CEP89: variants seen among roughly 807,000 people sequenced by gnomAD.
The protein encoded by CEP89 is centrosomal protein 89.
CEP89 carries 95 observed loss-of-function variants against 97.6 expected under a neutral mutation model. The ratio of observed to expected loss-of-function variants is 0.97; its 90% CI spans 0.82 to 1.15. The LOEUF (loss-of-function observed/expected upper bound fraction) is 1.15, where lower values mean the gene tolerates loss of function less well. CEP89 is among the 50% of genes most tolerant of loss of function. CEP89 has a pLI of 0.00. For missense variants in CEP89, 869 were observed against 947.7 expected, an observed-to-expected ratio of 0.92 and a Z score of 1.09; for synonymous variants, 354 against 349.1, an observed-to-expected ratio of 1.01 and a Z score of -0.16.
intron 4 of CEP89, 101 bp from the exon 5 acceptor site, chr19:32,948,469 A>T: frequency 1.6e-6 from 1 of 636,876 alleles, no homozygotes; most frequent in Non-Finnish European, 2.7e-6. Context: ...AACCTTCCCC[A>T]CTGGGAGCTT....
chr19:32,933,569 G>C lies in CEP89; in HGVS notation c.768C>G (p.Ser256Arg). ...ENMDLNNMNQSLTLELNTMKQ... is the reference protein window; with the variant it reads ...ENMDLNNMNQRLTLELNTMKQ... ...TCATTGTGTTTAGTTCAAGGGTAAG[G>C]CTTTGATTCATATTGTTTAGGTCCA... is the stretch of plus-strand genomic sequence containing the variant. The change falls in exon 8 of 19, where the codon AGC becomes AGG. Residue 256 changes from serine to arginine, a missense_variant. Physicochemically the swap from Ser to Arg is moderately radical, Grantham distance 110. Transcript: ENST00000305768. 1.2e-6 allele frequency: 2 copies of C among 1,611,928 alleles called. No individual in the cohort carries two copies.
intron 16 of CEP89, among the ~76,000 whole-genome samples, 198 bp from the exon 17 acceptor site, chr19:32,888,039 TGGG>T (rs1381408172): frequency 6.6e-6 from 1 of 152,172 alleles, no homozygotes; most frequent in Non-Finnish European, 1.5e-5. Flanking sequence ...ACAGGGCATG[TGGG>T]GTGCCCTGCT....
At chr19:32,927,474 A>C (rs915148519) in intron 9 of CEP89, among the ~76,000 whole-genome samples, 1 of 152,132 alleles carries the variant, frequency 6.6e-6, no homozygotes, top group Non-Finnish European at 1.5e-5. Context: ...AGTAGCCTAT[A>C]ATACTATTTT....
At chr19:32,890,009 T>TCAAA (rs1452216183) in intron 16 of CEP89, among the ~76,000 whole-genome samples, 4 of 152,022 alleles carry the variant, frequency 2.6e-5, no homozygotes, top group African/African-American at 9.7e-5. Flanking sequence ...CCATGCTGTG[T>TCAAA]CAAAGTCAAA....
chr19:32,937,595 G>C (rs1304357965), intron 7 of CEP89, 36 bp downstream of exon 7: 4 of 1,456,522 alleles, frequency 2.7e-6, no homozygotes, highest in South Asian at 1.2e-5. Context: ...TCCAAAACAA[G>C]CTTTTCAATC....
intron 16 of CEP89, among the ~76,000 whole-genome samples, chr19:32,895,751 A>C (rs368214129): frequency 9.6e-4 from 28 of 29,112 alleles, no homozygotes; most frequent in African/African-American, 4.5e-3. Context: ...TAGATCTGAT[A>C]AAAAAAAAAA....
chr19:32,939,958 C>A (rs1970655082), intron 5 of CEP89, 73 bp from the exon 6 acceptor site: 1 of 729,322 alleles, frequency 1.4e-6, no homozygotes, highest in South Asian at 1.6e-5. Flanking sequence ...AAAGTACAAT[C>A]ATAGAAATTC....
At chr19:32,945,961 T>C (rs900051377) in intron 5 of CEP89, among the ~76,000 whole-genome samples, 7 of 152,152 alleles carry the variant, frequency 4.6e-5, no homozygotes, top group African/African-American at 1.4e-4. Flanking sequence ...GGTGTGGATC[T>C]TGGGTTCTGG....
chr19:32,956,049 CTTTTTTTTTTTT>C (rs202179963), intron 3 of CEP89, among the ~76,000 whole-genome samples: 4 of 105,760 alleles, frequency 3.8e-5, no homozygotes, highest in Non-Finnish European at 3.8e-5. Flanking sequence ...CAATTTGGTT[CTTTTTTTTTTTT>C]TTTTTTTTTT....
At chr19:32,897,928 G>A (rs567969875) in intron 16 of CEP89, among the ~76,000 whole-genome samples, 2 of 152,238 alleles carry the variant, frequency 1.3e-5, no homozygotes, top group African/African-American at 4.8e-5. Flanking sequence ...ATACACTGTT[G>A]GTGGGAATGT....
Position 32,884,068 on chromosome 19 carries a change from G to A in CEP89, c.1966-2055C>T, listed in dbSNP as rs112178771. Among the ~76,000 whole-genome samples, 923 of 152,058 alleles carry A rather than the reference G, an allele frequency of 6.1e-3. 8 individuals carry two copies. The highest frequency in any genetic ancestry group is 0.021 in the African/African-American group (865 of 41,480). ...CCTGATCATTCTGCACTACAGCCTC[G>A]AACTCTCAGACTCAACTCAAGTGAT... is the stretch of plus-strand genomic sequence containing the variant. On this transcript the variant is annotated intron_variant, in intron 17 of 18. Coordinates refer to ENST00000305768, the MANE Select transcript of CEP89 (RefSeq NM_032816.5).
At chr19:32,947,242 C>T (rs1398831299) in intron 5 of CEP89, among the ~76,000 whole-genome samples, 1 of 152,158 alleles carries the variant, frequency 6.6e-6, no homozygotes, top group Non-Finnish European at 1.5e-5. Flanking sequence ...TTATAACATG[C>T]TGAATTCTCT....
chr19:32,920,128 C>T (rs1362456790), intron 12 of CEP89, among the ~76,000 whole-genome samples: 1 of 152,184 alleles, frequency 6.6e-6, no homozygotes. Flanking sequence ...GCCTTGAATT[C>T]CTGGGCTTAA....
chr19:32,892,864 TCATGAAAACA>T lies in CEP89; in HGVS notation c.1876-5033_1876-5024del, dbSNP rs1202118563. Among the ~76,000 whole-genome samples the T allele has an allele frequency of 5.3e-5, 8 of 151,898 alleles. No individual in the cohort carries two copies. The East Asian group carries it at 1.5e-3, about 29-fold the overall frequency. On this transcript the variant is annotated intron_variant, in intron 16 of 18. Transcript: ENST00000305768. ...GGAATTGAAAGGACGATATCTACTA[TCATGAAAACA>T]CATGAAATGATAAAACTAACTAGTA... is the stretch of plus-strand genomic sequence containing the variant.
chr19:32,880,133 A>C (rs11670103), intron 18 of CEP89, among the ~76,000 whole-genome samples: 14,871 of 152,266 alleles, frequency 0.098, 920 homozygotes, highest in Middle Eastern at 0.17. Flanking sequence ...GCCACAGTCC[A>C]CTGGGAATAG....
chr19:32,966,452 A>G lies in CEP89; in HGVS notation c.54T>C (p.His18=). 1 of 1,547,684 alleles carries G rather than the reference A, an allele frequency of 6.5e-7. No individual in the cohort carries two copies. Residue 18 remains histidine, a synonymous_variant, in exon 2 of 19, where the codon CAT becomes CAC. Coordinates refer to ENST00000305768, the MANE Select transcript of CEP89 (RefSeq NM_032816.5). ...CAACGCTGGCTGCAGGTAAAAGGCCATGGATGATGTGTTTCTGCACAAATG... is the reference window on the plus strand; with the variant it reads ...CAACGCTGGCTGCAGGTAAAAGGCCGTGGATGATGTGTTTCTGCACAAATG... The part of the protein sequence containing the change: ...GRRSHFKHII[H]GLLPAASVAP...
At chr19:32,949,692 T>A (rs4805829) in intron 4 of CEP89, among the ~76,000 whole-genome samples, 1 of 151,886 alleles carries the variant, frequency 6.6e-6, no homozygotes, top group South Asian at 2.1e-4. Context: ...CCTGAACCAG[T>A]TGTTACATGG....
At chr19:32,887,026 AT>A (rs1471975811) in intron 17 of CEP89, among the ~76,000 whole-genome samples, 5 of 120,012 alleles carry the variant, frequency 4.2e-5, no homozygotes, top group Non-Finnish European at 7.2e-5. Flanking sequence ...AAAAAAAAAA[AT>A]ACAAAAAAAA....
intron 11 of CEP89, among the ~76,000 whole-genome samples, chr19:32,923,788 C>T (rs1034012981): frequency 1.3e-5 from 2 of 152,202 alleles, no homozygotes; most frequent in African/African-American, 4.8e-5. Context: ...CCTGGGCTTT[C>T]GAGTATTAGA....
Sources: allele counts gnomAD v4.1 joint callset (sites outside exome capture counted in the v4.1 genomes callset), GRCh38; gene constraint gnomAD v4.1.1; transcripts MANE v1.5; gene names NCBI Gene and HGNC (gene_info 2026-07-23, HGNC 2026-07-21).